Variants in ARFGAP3 observed in about 807,000 individuals in gnomAD.
ARFGAP3 encodes ADP-ribosylation factor GTPase-activating protein 3.
ARFGAP3 carries 72 observed loss-of-function variants against 75.0 expected under a neutral mutation model. That is an observed-to-expected ratio of 0.96 (90% CI 0.79 to 1.17). ARFGAP3 has a LOEUF of 1.17. ARFGAP3 is among the 50% of genes most tolerant of loss of function. ARFGAP3 has a pLI of 0.00. For synonymous variants in ARFGAP3, 221 were observed against 217.9 expected, an observed-to-expected ratio of 1.01 and a Z score of -0.13; for missense variants, 620 against 626.6, an observed-to-expected ratio of 0.99 and a Z score of 0.11.
At chr22:42,856,755 C>G (rs1303755864) in intron 1 of ARFGAP3, among the ~76,000 whole-genome samples, 1 of 151,758 alleles carries the variant, frequency 6.6e-6, no homozygotes, top group Non-Finnish European at 1.5e-5. Flanking sequence ...CCGGGGTTTC[C>G]GAGCCGGGAG....
At chr22:42,823,115 T>A (rs1290001629) in intron 8 of ARFGAP3, among the ~76,000 whole-genome samples, 1 of 149,782 alleles carries the variant, frequency 6.7e-6, no homozygotes, top group Admixed American at 6.6e-5. Context: ...TGGCCTATTG[T>A]TTTTTTTTCC....
chr22:42,826,080 TAAAAC>T (rs1347599167), intron 7 of ARFGAP3, among the ~76,000 whole-genome samples: 1 of 152,234 alleles, frequency 6.6e-6, no homozygotes, highest in Non-Finnish European at 1.5e-5. Context: ...CTGACGAGTC[TAAAAC>T]ATGATGAAAA....
At chr22:42,830,263 G>A (rs947431334) in intron 6 of ARFGAP3, among the ~76,000 whole-genome samples, 8 of 81,974 alleles carry the variant, frequency 9.8e-5, no homozygotes, top group African/African-American at 2.1e-4. Flanking sequence ...GATCACAGGC[G>A]TGCACAACCT....
In ARFGAP3 at chr22:42,844,314, G is replaced by A. The variant is rs1926913076; in HGVS notation, c.188+3200C>T. 3.9e-5 allele frequency among the ~76,000 whole-genome samples: 6 copies of A among 152,072 alleles called. No homozygotes were observed. In the South Asian group the frequency reaches 1.2e-3, roughly 31 times the overall value. On this transcript the variant is annotated intron_variant, in intron 2 of 15. Transcript: ENST00000263245. The stretch of plus-strand genomic sequence containing the variant: ...AAACTCCCATGCTCGGCTAGGTGCT[G>A]TGGCTCATGCCTGTAAACCCAGCAC...
At chr22:42,801,338 C>T (rs569213144) in intron 14 of ARFGAP3, among the ~76,000 whole-genome samples, 1 of 152,208 alleles carries the variant, frequency 6.6e-6, no homozygotes, top group African/African-American at 2.4e-5. Context: ...ACACAGTGGT[C>T]TGTGGTTGGG....
chr22:42,830,186 T>G (rs1602113861), intron 6 of ARFGAP3, among the ~76,000 whole-genome samples: 1 of 152,162 alleles, frequency 6.6e-6, no homozygotes, highest in East Asian at 1.9e-4. Flanking sequence ...GGTGCAATCA[T>G]AGCTCACTGC....
intron 11 of ARFGAP3, among the ~76,000 whole-genome samples, chr22:42,811,236 G>A (rs1361828434): frequency 2.0e-5 from 3 of 152,196 alleles, no homozygotes; most frequent in Non-Finnish European, 2.9e-5. Flanking sequence ...CAATCAAGAT[G>A]ACACATGGAG....
chr22:42,829,278 G>A (rs1321037359), intron 6 of ARFGAP3, among the ~76,000 whole-genome samples: 1 of 152,158 alleles, frequency 6.6e-6, no homozygotes, highest in Non-Finnish European at 1.5e-5. Flanking sequence ...ATGCTATGAG[G>A]AAGAAAAAAT....
chr22:42,828,594 G>A (rs1238768476), intron 6 of ARFGAP3, among the ~76,000 whole-genome samples: 3 of 151,690 alleles, frequency 2.0e-5, no homozygotes, highest in Non-Finnish European at 4.4e-5. Flanking sequence ...TAGTTACTGG[G>A]GTTTCTGTTA....
intron 9 of ARFGAP3, 94 bp downstream of exon 9, chr22:42,822,176 C>T (rs988685532): frequency 3.9e-6 from 4 of 1,013,344 alleles, no homozygotes; most frequent in African/African-American, 1.6e-5. Context: ...TCCCTTCCCC[C>T]CCCACACAAA....
intron 11 of ARFGAP3, among the ~76,000 whole-genome samples, chr22:42,816,232 T>C (rs748835017): frequency 9.2e-5 from 14 of 152,242 alleles, no homozygotes; most frequent in East Asian, 1.9e-4. Flanking sequence ...AAACGTGCTA[T>C]AGCATTCGCA....
chr22:42,844,269 T>G (rs1926910911), intron 2 of ARFGAP3, among the ~76,000 whole-genome samples: 1 of 151,990 alleles, frequency 6.6e-6, no homozygotes, highest in South Asian at 2.1e-4. Flanking sequence ...AGTGGTGAGA[T>G]CATAGCTCAC....
At chr22:42,812,766 G>A (rs1475569453) in intron 11 of ARFGAP3, among the ~76,000 whole-genome samples, 1 of 152,248 alleles carries the variant, frequency 6.6e-6, no homozygotes, top group Non-Finnish European at 1.5e-5. Context: ...TGTGGCTTCT[G>A]CCTTCTCTGG....
intron 14 of ARFGAP3, among the ~76,000 whole-genome samples, chr22:42,806,613 C>T (rs1488660580): frequency 6.6e-6 from 1 of 152,254 alleles, no homozygotes. Context: ...TGGCACTTCA[C>T]ATTGCTCATT....
chr22:42,837,557 CT>C lies in ARFGAP3; in HGVS notation c.262-2065del, dbSNP rs1926573752. On this transcript the variant is annotated intron_variant, in intron 3 of 15. Coordinates refer to ENST00000263245, the MANE Select transcript of ARFGAP3 (RefSeq NM_014570.5). ...ATCACCTGAGCCCAGGAAGTTGAGG[CT>C]GCAGTGAGCTATGATTTTGCCACTG... Among the ~76,000 whole-genome samples the C allele has an allele frequency of 3.6e-5, 5 of 138,994 alleles. No homozygotes were observed. The Admixed American group carries it at 3.9e-4, about 11-fold the overall frequency. The allele number at this position is 138,994 out of a possible 152,430, so 91.2% of individuals were successfully genotyped here.
intron 2 of ARFGAP3, among the ~76,000 whole-genome samples, chr22:42,845,985 C>G (rs952934400): frequency 2.9e-5 from 4 of 137,572 alleles, no homozygotes; most frequent in Non-Finnish European, 4.5e-5. Context: ...TTGCAGTGAG[C>G]TGAGATCGCG....
chr22:42,814,141 G>A (rs1242356344), intron 11 of ARFGAP3, among the ~76,000 whole-genome samples: 1 of 151,776 alleles, frequency 6.6e-6, no homozygotes, highest in African/African-American at 2.4e-5. Flanking sequence ...AGAAATAATG[G>A]AACTCAATAA....
chr22:42,841,136 C>T (rs969709272), intron 2 of ARFGAP3, 120 bp from the exon 3 acceptor site: 2 of 1,462,916 alleles, frequency 1.4e-6, no homozygotes, highest in East Asian at 2.5e-5. Flanking sequence ...AAGTTTGTGT[C>T]AACAAGGACC....
At chr22:42,803,301 A>G (rs1346754465) in intron 14 of ARFGAP3, among the ~76,000 whole-genome samples, 1 of 152,208 alleles carries the variant, frequency 6.6e-6, no homozygotes, top group African/African-American at 2.4e-5. Context: ...TGCCTGATGC[A>G]GACTGAGGGC....
Sources: gnomAD v4.1 joint callset for allele counts (sites outside exome capture counted in the v4.1 genomes callset) on GRCh38, gnomAD v4.1.1 for gene constraint, MANE v1.5 for transcripts, NCBI Gene and HGNC (gene_info 2026-07-23, HGNC 2026-07-21) for gene names.